Variants in HIVEP2 observed in about 807,000 individuals in gnomAD.
The protein encoded by HIVEP2 is transcription factor HIVEP2.
HIVEP2 carries 14 observed loss-of-function variants against 180.7 expected under a neutral mutation model. The observed-to-expected ratio is 0.08, with a 90% CI of 0.05 to 0.12. HIVEP2 has a LOEUF of 0.12. Among genes scored for constraint, HIVEP2 ranks in the 10% least tolerant of loss-of-function variants. HIVEP2 has a pLI of 1.00. For missense variants in HIVEP2, 2,579 were observed against 3,008.5 expected (o/e 0.86, Z 3.34); for synonymous variants, 1,184 against 1,136.4 (o/e 1.04, Z -0.84).
chr6:142,788,448 C>T (rs1381466235), intron 2 of HIVEP2: 1 of 152,262 alleles, frequency 6.6e-6, no homozygotes, highest in Admixed American at 6.6e-5. Context: ...TATGGTGGCT[C>T]ACACCTGTAA....
chr6:142,766,270 T>C (rs917041411), intron 6 of HIVEP2, among the ~76,000 whole-genome samples: 3 of 152,228 alleles, frequency 2.0e-5, no homozygotes, highest in African/African-American at 7.2e-5. Context: ...GAGAGTTAAG[T>C]AGAAACTATT....
At chr6:142,801,942 C>T (rs764242605) in intron 2 of HIVEP2, among the ~76,000 whole-genome samples, 1 of 152,130 alleles carries the variant, frequency 6.6e-6, no homozygotes, top group African/African-American at 2.4e-5. Context: ...TGTGAAAACA[C>T]AAGATAGACA....
At chr6:142,870,523 G>A (rs530041160) in intron 1 of HIVEP2, among the ~76,000 whole-genome samples, 1 of 152,232 alleles carries the variant, frequency 6.6e-6, no homozygotes, top group African/African-American at 2.4e-5. Flanking sequence ...ACTCTCAAGA[G>A]ACAGGTCATC....
intron 1 of HIVEP2, among the ~76,000 whole-genome samples, chr6:142,929,212 A>G (rs1256134683): frequency 6.6e-6 from 1 of 152,222 alleles, no homozygotes; most frequent in Non-Finnish European, 1.5e-5. Context: ...CTCCCCAAAT[A>G]CTGCCTAAGC....
At chr6:142,857,588 C>A (rs191642167) in intron 1 of HIVEP2, among the ~76,000 whole-genome samples, 3 of 152,288 alleles carry the variant, frequency 2.0e-5, no homozygotes, top group Admixed American at 2.0e-4. Context: ...GAAAAACAAC[C>A]CTCTTTGCAA....
intron 9 of HIVEP2, 45 bp from the exon 10 acceptor site, chr6:142,753,976 G>A (rs764097215): frequency 1.4e-5 from 14 of 1,029,298 alleles, no homozygotes; most frequent in Non-Finnish European, 1.9e-5. Context: ...AGCCTGCTAC[G>A]CTTCATTCTT....
chr6:142,792,100 G>A (rs1003618963), intron 2 of HIVEP2, among the ~76,000 whole-genome samples: 1 of 151,988 alleles, frequency 6.6e-6, no homozygotes, highest in African/African-American at 2.4e-5. Context: ...GCACACTGAG[G>A]TGATGGTGGT....
intron 9 of HIVEP2, among the ~76,000 whole-genome samples, chr6:142,756,597 A>G (rs1382595169): frequency 6.6e-6 from 1 of 152,174 alleles, no homozygotes; most frequent in African/African-American, 2.4e-5. Flanking sequence ...CATCTACACT[A>G]CATACTGAGG....
Position 142,852,729 on chromosome 6 carries a change from C to T in HIVEP2, c.-640-15682G>A, listed in dbSNP as rs188092890. On this transcript the variant is annotated intron_variant, in intron 1 of 9. Transcript: ENST00000367603. Reference sequence around the variant, plus strand: ...GTCACTGGCCCATCACTATCACATTCTAGTTTAGGTAGACTTAACACTCAA... The same window carrying T: ...GTCACTGGCCCATCACTATCACATTTTAGTTTAGGTAGACTTAACACTCAA... Among the ~76,000 whole-genome samples the T allele has an allele frequency of 2.9e-3, 440 of 152,290 alleles. 2 individuals are homozygous for T. The highest frequency in any genetic ancestry group is 8.6e-3 in the African/African-American group (358 of 41,558).
chr6:142,920,301 C>T (rs565911454), intron 1 of HIVEP2, among the ~76,000 whole-genome samples: 2 of 152,304 alleles, frequency 1.3e-5, no homozygotes, highest in South Asian at 4.1e-4. Flanking sequence ...TCTCCGAAGT[C>T]CTGGCTTCCA....
At position 142,751,724 on chromosome 6, in the gene HIVEP2, G is replaced by T. The variant is rs1336232180; in HGVS notation, c.*1383C>A. 1 of 152,620 alleles carries T rather than the reference G, an allele frequency of 6.6e-6. No individual in the cohort carries two copies. Among genetic ancestry groups the T allele is most frequent in the Non-Finnish European group, 1.5e-5 (1 of 68,068 alleles). The allele number at this position is 152,620 out of a possible 1,614,324, so 9.5% of individuals were successfully genotyped here. On this transcript the variant is annotated 3_prime_UTR_variant, in exon 10 of 10. Coordinates refer to ENST00000367603, the MANE Select transcript of HIVEP2 (RefSeq NM_006734.4). ...GCCATTGTGAGTATTACATACAACA[G>T]ACATCCTCCCACGAGTTCTTTGCCC...
chr6:142,860,018 G>A (rs1465322143), intron 1 of HIVEP2, among the ~76,000 whole-genome samples: 1 of 152,022 alleles, frequency 6.6e-6, no homozygotes, highest in Non-Finnish European at 1.5e-5. Context: ...GTTCACAGTA[G>A]GGAAAGTGTT....
At chr6:142,926,952 T>A (rs1777830715) in intron 1 of HIVEP2, among the ~76,000 whole-genome samples, 1 of 151,916 alleles carries the variant, frequency 6.6e-6, no homozygotes, top group East Asian at 1.9e-4. Context: ...CTCCCTCGGG[T>A]GTCAGCGGAC....
At chr6:142,924,399 CA>C (rs1777753691) in intron 1 of HIVEP2, among the ~76,000 whole-genome samples, 1 of 152,184 alleles carries the variant, frequency 6.6e-6, no homozygotes, top group Non-Finnish European at 1.5e-5. Context: ...GAGGAAAAGA[CA>C]AACTCTGCCT....
chr6:142,856,034 G>GT (rs1166526989), intron 1 of HIVEP2, among the ~76,000 whole-genome samples: 1 of 152,074 alleles, frequency 6.6e-6, no homozygotes, highest in Non-Finnish European at 1.5e-5. Context: ...TGGTTTTGTT[G>GT]TTTTTTGGTG....
chr6:142,858,151 TATC>T (rs1775875733), intron 1 of HIVEP2, among the ~76,000 whole-genome samples: 1 of 152,210 alleles, frequency 6.6e-6, no homozygotes. Flanking sequence ...ATCCCAGACA[TATC>T]ATCTTATTTC....
chr6:142,763,269 G>A (rs1309526581), intron 7 of HIVEP2, among the ~76,000 whole-genome samples: 3 of 152,118 alleles, frequency 2.0e-5, no homozygotes, highest in East Asian at 1.9e-4. Context: ...AGAGTGGCGG[G>A]GGAGGCCCCT....
At position 142,768,511 on chromosome 6, in the gene HIVEP2, A is replaced by G. The variant is rs1358375718; in HGVS notation, c.5213T>C (p.Phe1738Ser). ...TAGTTTCCTTTCTAGTTTGCTGCCA[A>G]ATAAAAAGGACGCATCAGGTTTCAT... is the stretch of plus-strand genomic sequence containing the variant. ...TQMKPDASFL[F>S]GSKLERKLVG... Residue 1738 changes from phenylalanine to serine, a missense_variant, in exon 6 of 10, where the codon TTT (phenylalanine) becomes TCT (serine). Transcript: ENST00000367603. 2.5e-6 allele frequency: 4 copies of G among 1,613,460 alleles called. No homozygotes were observed. The highest frequency in any genetic ancestry group is 1.7e-4 in the Middle Eastern group (1 of 6,054).
chr6:142,920,235 G>C (rs1198891379), intron 1 of HIVEP2, among the ~76,000 whole-genome samples: 2 of 152,172 alleles, frequency 1.3e-5, no homozygotes, highest in Non-Finnish European at 2.9e-5. Flanking sequence ...CAAATGTAAG[G>C]ATAATATCCC....
Sources: gnomAD v4.1 joint callset for allele counts (sites outside exome capture counted in the v4.1 genomes callset) on GRCh38, gnomAD v4.1.1 for gene constraint, MANE v1.5 for transcripts, NCBI Gene and HGNC (gene_info 2026-07-23, HGNC 2026-07-21) for gene names.